The following ATP2C1 variants were observed in gnomAD, a reference collection of about 807,000 sequenced individuals.
ATP2C1 encodes ATPase secretory pathway Ca2+ transporting 1.
In ATP2C1, 31 loss-of-function variants were observed where a neutral mutation model predicts 120.5. That is an observed-to-expected ratio of 0.26 (90% CI 0.19 to 0.35). The LOEUF (loss-of-function observed/expected upper bound fraction) is 0.35. ATP2C1 is among the 10% of genes least tolerant of loss of function. The pLI, the probability that ATP2C1 is intolerant of heterozygous loss-of-function variation, is 1.00. For missense variants in ATP2C1, 731 were observed against 1,107.5 expected (o/e 0.66, Z 4.83); for synonymous variants, 351 against 358.7 (o/e 0.98, Z 0.24).
At chr3:130,990,037 G>A (rs1362762849) in intron 20 of ATP2C1, among the ~76,000 whole-genome samples, 2 of 152,162 alleles carry the variant, frequency 1.3e-5, no homozygotes, top group Non-Finnish European at 2.9e-5. Flanking sequence ...ATAATCAGTA[G>A]TGTGATATTA....
At chr3:130,877,738 C>T (rs1486060544) in intron 1 of ATP2C1, among the ~76,000 whole-genome samples, 1 of 152,134 alleles carries the variant, frequency 6.6e-6, no homozygotes, top group African/African-American at 2.4e-5. Flanking sequence ...GGCGATTCCT[C>T]AGGGATCTAG....
intron 17 of ATP2C1, among the ~76,000 whole-genome samples, chr3:130,972,421 C>T (rs1177487172): frequency 6.6e-6 from 1 of 152,054 alleles, no homozygotes; most frequent in Non-Finnish European, 1.5e-5. Context: ...ACCAGTTGAT[C>T]CTTAGCTCTG....
At chr3:130,925,175 T>G (rs1420460250) in intron 2 of ATP2C1, among the ~76,000 whole-genome samples, 1 of 152,140 alleles carries the variant, frequency 6.6e-6, no homozygotes, top group Non-Finnish European at 1.5e-5. Flanking sequence ...CAGAATTGTT[T>G]TTCTGGTTCC....
At position 130,903,700 on chromosome 3, in the gene ATP2C1, C is replaced by CCCTTTCCTTTCCTTTCCTTTCCTTT. The variant is rs145176420; in HGVS notation, c.6+8938_6+8962dup. Among the ~76,000 whole-genome samples the CCCTTTCCTTTCCTTTCCTTTCCTTT allele has an allele frequency of 6.3e-3, 868 of 138,602 alleles. 15 individuals carry two copies. The highest frequency in any genetic ancestry group is 0.023 in the African/African-American group (840 of 35,954). The allele number at this position is 138,602 out of a possible 152,430, so 90.9% of individuals were successfully genotyped here. A position where few individuals can be genotyped will look rare whatever the true frequency, so the allele number is the denominator to read the frequency against. ...TTTCCCCTTTCCCATTTCCCCTTTCCCCTTTCCTTTCCTTTCCTTTCCTTT... is the reference window on the plus strand; with the variant it reads ...TTTCCCCTTTCCCATTTCCCCTTTCCCCTTTCCTTTCCTTTCCTTTCCTTTCCTTTCCTTTCCTTTCCTTTCCTTT... On this transcript the variant is annotated intron_variant, in intron 2 of 27. Coordinates refer to ENST00000510168, the MANE Select transcript of ATP2C1 (RefSeq NM_001378687.1).
At chr3:130,939,554 T>A (rs1276646754) in intron 6 of ATP2C1, among the ~76,000 whole-genome samples, 1 of 152,176 alleles carries the variant, frequency 6.6e-6, no homozygotes, top group East Asian at 1.9e-4. Context: ...CCAGAAGACA[T>A]AAGTAAAGAT....
intron 6 of ATP2C1, among the ~76,000 whole-genome samples, chr3:130,938,707 C>T (rs1212428959): frequency 1.3e-5 from 2 of 152,192 alleles, no homozygotes; most frequent in Non-Finnish European, 2.9e-5. Flanking sequence ...TTCAAGGCAG[C>T]TATTCATTCA....
rs2108973546 is a variant in ATP2C1, at chr3:131,002,471, T to C, written c.*1121T>C. The C allele has an allele frequency of 1.0e-6, 1 of 985,424 alleles. No homozygotes were observed. 61.0% of individuals were successfully genotyped at this position (985,424 alleles called of 1,614,324 possible). On this transcript the variant is annotated 3_prime_UTR_variant, in exon 28 of 28. Coordinates refer to ENST00000510168, the MANE Select transcript of ATP2C1 (RefSeq NM_001378687.1). ...AGCACAAACCTGAGTATATCTCTTC[T>C]ACTTTCATCATGTGTTCTGTACCTT...
At chr3:130,941,775 G>T in intron 8 of ATP2C1, 76 bp downstream of exon 8, 1 of 1,202,658 alleles carries the variant, frequency 8.3e-7, no homozygotes, top group Non-Finnish European at 1.2e-6. Flanking sequence ...TAGTTTTAAG[G>T]AATTAACACA....
At chr3:131,003,233 G>T, downstream of ATP2C1, 6 of 799,628 alleles carry the variant, frequency 7.5e-6, no homozygotes, top group Non-Finnish European at 9.1e-6. Flanking sequence ...CCATATGGAT[G>T]CTGGAGAATG....
At chr3:130,970,692 CTTAT>C (rs1172185500) in intron 17 of ATP2C1, among the ~76,000 whole-genome samples, 4 of 152,010 alleles carry the variant, frequency 2.6e-5, no homozygotes, top group African/African-American at 9.7e-5. Context: ...CATGCCTGGA[CTTAT>C]TTGTTATTTT....
chr3:130,947,318 A>T (rs1001442120), intron 8 of ATP2C1, among the ~76,000 whole-genome samples: 8 of 152,214 alleles, frequency 5.3e-5, no homozygotes, highest in African/African-American at 1.9e-4. Flanking sequence ...TCACACATTT[A>T]AGGTGTATCG....
intron 2 of ATP2C1, among the ~76,000 whole-genome samples, chr3:130,895,714 G>GT (rs1326483448): frequency 6.6e-6 from 1 of 152,132 alleles, no homozygotes; most frequent in Non-Finnish European, 1.5e-5. Context: ...CTTCTAATTT[G>GT]TTTTTCCATT....
intron 2 of ATP2C1, among the ~76,000 whole-genome samples, chr3:130,916,254 A>C (rs977047600): frequency 4.0e-5 from 6 of 151,552 alleles, no homozygotes; most frequent in South Asian, 2.1e-4. Flanking sequence ...CAAAAAAAAA[A>C]AAAAACAAAA....
chr3:130,972,411 A>G (rs2061357671), intron 17 of ATP2C1, among the ~76,000 whole-genome samples: 1 of 151,388 alleles, frequency 6.6e-6, no homozygotes, highest in East Asian at 1.9e-4. Flanking sequence ...AGCAAGGCTT[A>G]CCAGTTGATC....
chr3:130,900,090 C>G (rs1455470467), intron 2 of ATP2C1, among the ~76,000 whole-genome samples: 1 of 151,880 alleles, frequency 6.6e-6, no homozygotes, highest in Non-Finnish European at 1.5e-5. Context: ...TGGAGTCTCA[C>G]TCTGTAACCC....
chr3:130,886,188 GAA>G (rs1467030496), intron 1 of ATP2C1, among the ~76,000 whole-genome samples: 1 of 152,100 alleles, frequency 6.6e-6, no homozygotes, highest in Admixed American at 6.5e-5. Flanking sequence ...GATTGCCACT[GAA>G]AAGTCTGCTG....
At chr3:131,007,683 G>C (rs1327477996), downstream of ATP2C1, among the ~76,000 whole-genome samples, 1 of 152,196 alleles carries the variant, frequency 6.6e-6, no homozygotes, top group African/African-American at 2.4e-5. Context: ...TTCTATTAAA[G>C]TTTTCTCTGA....
At chr3:130,891,565 C>G (rs1199956766), upstream of ATP2C1, among the ~76,000 whole-genome samples, 2 of 152,164 alleles carry the variant, frequency 1.3e-5, no homozygotes, top group Non-Finnish European at 2.9e-5. Context: ...GCTTTGATTT[C>G]TATGGAAGCA....
At chr3:130,889,073 C>T (rs552345776) in intron 1 of ATP2C1, among the ~76,000 whole-genome samples, 100 of 152,292 alleles carry the variant, frequency 6.6e-4, no homozygotes, top group Middle Eastern at 3.4e-3. Context: ...GCCTATCCAG[C>T]GGCTCAGCAC....
Sources: allele counts gnomAD v4.1 joint callset (sites outside exome capture counted in the v4.1 genomes callset), GRCh38; gene constraint gnomAD v4.1.1; transcripts MANE v1.5; gene names NCBI Gene and HGNC (gene_info 2026-07-23, HGNC 2026-07-21).